Variants in TRRAP observed in about 807,000 individuals in gnomAD.
TRRAP encodes transformation/transcription domain associated protein.
Under a neutral mutation model 438.8 loss-of-function variants are expected in TRRAP, and 41 were observed. That is an observed-to-expected ratio of 0.09 (90% CI 0.07 to 0.12). The LOEUF (loss-of-function observed/expected upper bound fraction) is 0.12, where lower values mean the gene tolerates loss of function less well. TRRAP is among the 10% of genes least tolerant of loss of function. The pLI, the probability that TRRAP is intolerant of heterozygous loss-of-function variation, is 1.00. For missense variants in TRRAP, 3,122 were observed against 5,055.1 expected, an observed-to-expected ratio of 0.62 and a Z score of 11.60; for synonymous variants, 1,994 against 1,962.9, an observed-to-expected ratio of 1.02 and a Z score of -0.42.
chr7:98,878,879 G>C (rs1269542889), intron 1 of TRRAP, among the ~76,000 whole-genome samples: 5 of 152,172 alleles, frequency 3.3e-5, no homozygotes, highest in Non-Finnish European at 7.4e-5. Flanking sequence ...GGCGCTCGGC[G>C]CTCGCCGTAG....
intron 45 of TRRAP, among the ~76,000 whole-genome samples, chr7:98,960,808 G>C (rs1791857296): frequency 6.6e-6 from 1 of 151,278 alleles, no homozygotes; most frequent in Non-Finnish European, 1.5e-5. Context: ...GTAGAGACGG[G>C]GTTTCACCAT....
chr7:98,950,858 T>C lies in TRRAP; in HGVS notation c.5335-18T>C. 1 of 1,511,308 alleles carries C rather than the reference T, an allele frequency of 6.6e-7. No homozygotes were observed. The allele number at this position is 1,511,308 out of a possible 1,614,324, so 93.6% of individuals were successfully genotyped here. A position where few individuals can be genotyped will look rare whatever the true frequency, so the allele number is the denominator to read the frequency against. ...ATGGCTTTGTTTTTCTCCTTCTTTA[T>C]TTAAATTTTTTTTGTAGGTTCTGCA... On this transcript the variant is annotated intron_variant, in intron 38 of 72. Coordinates refer to ENST00000456197, the MANE Select transcript of TRRAP (RefSeq NM_001375524.1).
chr7:98,965,346 G>A (rs571759510), intron 48 of TRRAP, among the ~76,000 whole-genome samples: 1 of 152,336 alleles, frequency 6.6e-6, no homozygotes, highest in East Asian at 1.9e-4. Flanking sequence ...CTGGAATCTG[G>A]ATGCTGTGTG....
rs527473282 is a variant in TRRAP, at chr7:98,887,482, C to A, written c.151-2853C>A. On this transcript the variant is annotated intron_variant, in intron 3 of 72. Coordinates refer to ENST00000456197, the MANE Select transcript of TRRAP (RefSeq NM_001375524.1). ...CTGCTTGGAGAGAAGCTATTTGATT[C>A]CTGCACAGCTCCTGGGGCCGCCTCC... Among the ~76,000 whole-genome samples, 4 of 152,140 alleles carry A rather than the reference C, an allele frequency of 2.6e-5. No individual in the cohort carries two copies. The South Asian group carries it at 6.2e-4, about 24-fold the overall frequency.
rs782688873 is a variant in TRRAP at position 98,912,174 on chromosome 7, T to G, written c.2160T>G (p.Ser720=). The change falls in exon 18 of 73, where the codon TCT becomes TCG. Residue 720 remains serine, a synonymous_variant. Transcript: ENST00000456197. ...YLKLFKLVFG[S]VSLFAAENEQ... ...AGCTGTTCAAGCTGGTCTTTGGCTC[T>G]GTCTCCCTCTTTGCAGCTGAAAATG... 1.2e-6 allele frequency: 2 copies of G among 1,614,096 alleles called. No individual in the cohort carries two copies. Among genetic ancestry groups the G allele is most frequent in the Non-Finnish European group, 1.7e-6 (2 of 1,180,000 alleles).
At chr7:98,928,131 G>A (rs999965923) in intron 23 of TRRAP, among the ~76,000 whole-genome samples, 15 of 152,078 alleles carry the variant, frequency 9.9e-5, no homozygotes, top group East Asian at 1.9e-4. Flanking sequence ...CCAGCTACTC[G>A]GGAGGCTGAG....
At position 98,992,188 on chromosome 7, in the gene TRRAP, C is replaced by T; in HGVS notation, c.9808C>T (p.Leu3270=). The T allele has an allele frequency of 6.2e-7, 1 of 1,614,228 alleles. No individual in the cohort carries two copies. The highest frequency in any genetic ancestry group is 8.5e-7 in the Non-Finnish European group (1 of 1,180,044). Residue 3270 remains leucine, a synonymous_variant, in exon 65 of 73, where the codon CTG becomes TTG. Coordinates refer to ENST00000456197, the MANE Select transcript of TRRAP (RefSeq NM_001375524.1). The part of the protein sequence containing the change: ...AVYFPIRTLY[L]TLKIEQRERY... Reference sequence around the variant, plus strand: ...CTACTTTCCCATCCGGACCCTGTACCTGACCCTGAAAATAGAACAGCGGGA... The same window carrying T: ...CTACTTTCCCATCCGGACCCTGTACTTGACCCTGAAAATAGAACAGCGGGA...
chr7:98,977,601 G>T (rs1167104884), intron 56 of TRRAP, among the ~76,000 whole-genome samples: 1 of 152,248 alleles, frequency 6.6e-6, no homozygotes, highest in Non-Finnish European at 1.5e-5. Context: ...TTAGATGCCA[G>T]CGTGGATGCT....
intron 30 of TRRAP, among the ~76,000 whole-genome samples, chr7:98,940,749 G>A (rs1379590614): frequency 6.6e-6 from 1 of 152,210 alleles, no homozygotes; most frequent in African/African-American, 2.4e-5. Context: ...CGTTGACGGT[G>A]CCTTTGCGCT....
chr7:98,925,301 C>T (rs1020300721), intron 22 of TRRAP, 38 bp downstream of exon 22: 1 of 1,603,940 alleles, frequency 6.2e-7, no homozygotes. Flanking sequence ...TTGGGTGGAT[C>T]CTGTTTTAGG....
chr7:98,928,518 A>G (rs1189346250), intron 23 of TRRAP, among the ~76,000 whole-genome samples: 2 of 152,178 alleles, frequency 1.3e-5, no homozygotes, highest in African/African-American at 2.4e-5. Flanking sequence ...TTCTTTGTTA[A>G]CATTGTCTTT....
rs1160029443 is a variant in TRRAP, at chr7:98,984,374, T to C, written c.9288+16T>C. The C allele has an allele frequency of 2.6e-6, 4 of 1,528,820 alleles. No individual in the cohort carries two copies. In the Admixed American group the frequency reaches 8.0e-5, roughly 31 times the overall value. The allele number at this position is 1,528,820 out of a possible 1,614,324, so 94.7% of individuals were successfully genotyped here. A position where few individuals can be genotyped will look rare whatever the true frequency, so the allele number is the denominator to read the frequency against. ...GTGCATGCAGGTGCGGACAGGACACTTGAAGAATGAGGCCAGGTGGAGATT... is the reference window on the plus strand; with the variant it reads ...GTGCATGCAGGTGCGGACAGGACACCTGAAGAATGAGGCCAGGTGGAGATT... On this transcript the variant is annotated intron_variant, in intron 61 of 72. Coordinates refer to ENST00000456197, the MANE Select transcript of TRRAP (RefSeq NM_001375524.1).
intron 20 of TRRAP, among the ~76,000 whole-genome samples, chr7:98,921,264 TC>T (rs2116465027): frequency 1.3e-5 from 2 of 152,340 alleles, no homozygotes; most frequent in East Asian, 3.9e-4. Flanking sequence ...ACATAAAACT[TC>T]CTTGGAAGAA....
chr7:98,988,909 C>T lies in TRRAP; in HGVS notation c.9534C>T (p.Cys3178=). 1.9e-6 allele frequency: 3 copies of T among 1,614,122 alleles called. No individual in the cohort carries two copies. The highest frequency in any genetic ancestry group is 2.2e-5 in the South Asian group (2 of 91,078). The change falls in exon 63 of 73, where the codon TGC becomes TGT. Residue 3178 remains cysteine, a synonymous_variant. Coordinates refer to ENST00000456197, the MANE Select transcript of TRRAP (RefSeq NM_001375524.1). ...ACCTGGGCGTGTCTGCCATCACCTG[C>T]TACCTGCACGCCTGCCGGCATCAGA... The part of the protein sequence containing the change: ...QLHLGVSAIT[C]YLHACRHQNE...
intron 1 of TRRAP, 71 bp from the exon 2 acceptor site, chr7:98,881,019 G>T: frequency 1.7e-6 from 1 of 579,078 alleles, no homozygotes. Context: ...TAGGCCTTTA[G>T]GTAAGATTTT....
chr7:98,881,099 A>G lies in TRRAP; in HGVS notation c.-52A>G, dbSNP rs1554402958. Reference sequence around the variant, plus strand: ...ATGCTTCTTTTCATAGGCTGGTTGAACTCATGGACCTGATACTTTTCTCTT... The same window carrying G: ...ATGCTTCTTTTCATAGGCTGGTTGAGCTCATGGACCTGATACTTTTCTCTT... On this transcript the variant is annotated 5_prime_UTR_variant, in exon 2 of 73. Coordinates refer to ENST00000456197, the MANE Select transcript of TRRAP (RefSeq NM_001375524.1). 1 of 1,492,434 alleles carries G rather than the reference A, an allele frequency of 6.7e-7. No individual in the cohort carries two copies. Among genetic ancestry groups the G allele is most frequent in the East Asian group, 2.3e-5 (1 of 42,620 alleles). The allele number at this position is 1,492,434 out of a possible 1,614,324, so 92.4% of individuals were successfully genotyped here.
At chr7:98,893,573 A>G (rs530301910) in intron 5 of TRRAP, among the ~76,000 whole-genome samples, 231 of 152,318 alleles carry the variant, frequency 1.5e-3, no homozygotes, top group Non-Finnish European at 1.8e-3. Flanking sequence ...CACAAAGGCC[A>G]GTGAAGCCCC....
At position 98,991,677 on chromosome 7, in the gene TRRAP, G is replaced by C. The variant is rs144671438; in HGVS notation, c.9757-460G>C. ...CAAATGGGAGTTTCTTAACTGAAACGGACATCCCTCCATCTCCTCCCAGCT... is the reference window on the plus strand; with the variant it reads ...CAAATGGGAGTTTCTTAACTGAAACCGACATCCCTCCATCTCCTCCCAGCT... On this transcript the variant is annotated intron_variant, in intron 64 of 72. Transcript: ENST00000456197. Among the ~76,000 whole-genome samples the C allele has an allele frequency of 1.2e-3, 185 of 152,290 alleles. 1 individual carries two copies. Among genetic ancestry groups the C allele is most frequent in the African/African-American group, 3.9e-3 (163 of 41,566 alleles).
In TRRAP at chr7:98,954,449, A is replaced by G. The variant is rs112911131; in HGVS notation, c.5731-649A>G. 1.7e-3 allele frequency among the ~76,000 whole-genome samples: 264 copies of G among 152,282 alleles called. 2 individuals carry two copies. The highest frequency in any genetic ancestry group is 6.0e-3 in the African/African-American group (249 of 41,554). On this transcript the variant is annotated intron_variant, in intron 40 of 72. Coordinates refer to ENST00000456197, the MANE Select transcript of TRRAP (RefSeq NM_001375524.1). ...CTGTGGTGTTGAACTCTGCACCCCA[A>G]TCAAGCCAGAGGTCTCTCACATCCC...
Sources: gnomAD v4.1 joint callset for allele counts (sites outside exome capture counted in the v4.1 genomes callset) on GRCh38, gnomAD v4.1.1 for gene constraint, MANE v1.5 for transcripts, NCBI Gene and HGNC (gene_info 2026-07-23, HGNC 2026-07-21) for gene names.